Variants in KLF12 observed in about 807,000 individuals in gnomAD.
KLF12 encodes Krueppel-like factor 12.
In KLF12, 9 loss-of-function variants were observed where a neutral mutation model predicts 37.8. The observed-to-expected ratio is 0.24, with a 90% CI of 0.14 to 0.42. The LOEUF (loss-of-function observed/expected upper bound fraction) is 0.42, where lower values mean the gene tolerates loss of function less well. Ranked by LOEUF, KLF12 falls within the 10% of genes least tolerant of loss-of-function variation. The pLI is 1.00. For missense variants in KLF12, 411 were observed against 516.0 expected (o/e 0.80, Z 1.97); for synonymous variants, 208 against 202.1 (o/e 1.03, Z -0.25).
At chr13:73,739,120 A>C (rs1877750882) in intron 6 of KLF12, among the ~76,000 whole-genome samples, 1 of 151,908 alleles carries the variant, frequency 6.6e-6, no homozygotes, top group Non-Finnish European at 1.5e-5. Flanking sequence ...CTGTAATCCC[A>C]CTACTCGGGA....
intron 3 of KLF12, among the ~76,000 whole-genome samples, chr13:73,906,591 A>G (rs1333135644): frequency 6.6e-6 from 1 of 152,178 alleles, no homozygotes; most frequent in African/African-American, 2.4e-5. Flanking sequence ...ATTTCTTTAA[A>G]TAAGTACATA....
In KLF12 at chr13:73,846,049, C is replaced by A. The variant is rs1884996627; in HGVS notation, c.448G>T (p.Ala150Ser). ...TGGCCTCCAACACCAGATGCAGAGGCCACAAGGGGCCCTGGAGTTAATACT... is the reference window on the plus strand; with the variant it reads ...TGGCCTCCAACACCAGATGCAGAGGACACAAGGGGCCCTGGAGTTAATACT... Residue 150 changes from alanine (A) to serine (S), a missense_variant, in exon 4 of 8, where the codon GCC becomes TCC. Physicochemically the swap from Ala to Ser is moderately conservative, Grantham distance 99. This residue lies in a region of KLF12 where 351 missense variants were observed against 397.8 expected (regional missense o/e 0.88). Transcript: ENST00000377669. 1 of 1,613,856 alleles carries A rather than the reference C, an allele frequency of 6.2e-7. No homozygotes were observed. The highest frequency in any genetic ancestry group is 1.1e-5 in the South Asian group (1 of 91,074).
intron 4 of KLF12, among the ~76,000 whole-genome samples, chr13:73,814,428 T>A (rs961874241): frequency 3.9e-5 from 6 of 152,190 alleles, no homozygotes; most frequent in Admixed American, 3.3e-4. Context: ...AATGGCAACT[T>A]CGGATGATTG....
intron 3 of KLF12, among the ~76,000 whole-genome samples, chr13:73,854,011 C>T (rs1440489113): frequency 6.6e-6 from 1 of 152,116 alleles, no homozygotes; most frequent in Non-Finnish European, 1.5e-5. Flanking sequence ...GGATTAAGTC[C>T]TATTATCTTG....
intron 3 of KLF12, among the ~76,000 whole-genome samples, chr13:73,857,092 G>A (rs564310031): frequency 6.6e-6 from 1 of 152,254 alleles, no homozygotes; most frequent in East Asian, 1.9e-4. Flanking sequence ...ATTTAGTCAT[G>A]ATTCCCATGG....
chr13:74,089,054 T>C (rs1222526849), intron 1 of KLF12, among the ~76,000 whole-genome samples: 3 of 152,218 alleles, frequency 2.0e-5, no homozygotes, highest in African/African-American at 7.2e-5. Context: ...TTCTGATGCG[T>C]AATTATCAAA....
At chr13:74,196,863 T>A in the KLF12 span, among the ~76,000 whole-genome samples, 1 of 152,148 alleles carries the variant, frequency 6.6e-6, no homozygotes, top group Admixed American at 6.5e-5. Flanking sequence ...GTTTAGAATT[T>A]AAAAAAAATT....
intron 5 of KLF12, among the ~76,000 whole-genome samples, chr13:73,779,061 T>C (rs1880802039): frequency 6.6e-6 from 1 of 152,206 alleles, no homozygotes; most frequent in South Asian, 2.1e-4. Context: ...ATAATATACA[T>C]ATTAGTCTGC....
intron 7 of KLF12, among the ~76,000 whole-genome samples, chr13:73,703,446 C>T (rs188757541): frequency 7.6e-4 from 115 of 152,060 alleles, no homozygotes; most frequent in Non-Finnish European, 1.3e-3. Flanking sequence ...CCATTTGGTC[C>T]TGTCAATTCA....
the KLF12 span, among the ~76,000 whole-genome samples, chr13:74,211,614 T>G: frequency 6.6e-6 from 1 of 152,200 alleles, no homozygotes; most frequent in African/African-American, 2.4e-5. Context: ...TTTGACATTA[T>G]GTTATTCTTC....
the KLF12 span, among the ~76,000 whole-genome samples, chr13:74,246,294 T>G: frequency 6.6e-6 from 1 of 152,188 alleles, no homozygotes; most frequent in Non-Finnish European, 1.5e-5. Flanking sequence ...AATAGCACAT[T>G]CTTGTACTCA....
At chr13:74,238,240 A>G in the KLF12 span, among the ~76,000 whole-genome samples, 1 of 129,842 alleles carries the variant, frequency 7.7e-6, no homozygotes, top group Non-Finnish European at 1.5e-5. Flanking sequence ...GCTGGATTAC[A>G]TTTATTGATT....
chr13:73,925,800 T>G lies in KLF12; in HGVS notation c.123+18181A>C, dbSNP rs1889348828. 3.3e-5 allele frequency among the ~76,000 whole-genome samples: 5 copies of G among 152,290 alleles called. No individual in the cohort carries two copies. The South Asian group carries it at 1.0e-3, about 32-fold the overall frequency. On this transcript the variant is annotated intron_variant, in intron 3 of 7. Coordinates refer to ENST00000377669, the MANE Select transcript of KLF12 (RefSeq NM_007249.5). The stretch of plus-strand genomic sequence containing the variant: ...ATGGGAGGAGGTCAAAGTATCAACA[T>G]TAACACGAGTTTGGAATAAGTTGAT...
rs144882763 is a variant in KLF12, at chr13:73,808,500, C to T, written c.806+4652G>A. Among the ~76,000 whole-genome samples the T allele has an allele frequency of 2.2e-3, 336 of 152,162 alleles. 3 individuals are homozygous for T. Among genetic ancestry groups the T allele is most frequent in the Middle Eastern group, 0.01 (3 of 294 alleles). ...AGGTCGATTCAGATTGCTGTTGTAG[C>T]CACTAAGCAGCGGTCTTTTTAATTT... On this transcript the variant is annotated intron_variant, in intron 5 of 7. Coordinates refer to ENST00000377669, the MANE Select transcript of KLF12 (RefSeq NM_007249.5).
intron 5 of KLF12, among the ~76,000 whole-genome samples, chr13:73,811,328 A>G (rs1882931481): frequency 6.6e-6 from 1 of 152,110 alleles, no homozygotes; most frequent in South Asian, 2.1e-4. Flanking sequence ...TTTATAGGCT[A>G]GAAAAAGATG....
At chr13:73,766,078 A>C (rs1168034187) in intron 5 of KLF12, among the ~76,000 whole-genome samples, 1 of 152,168 alleles carries the variant, frequency 6.6e-6, no homozygotes, top group Non-Finnish European at 1.5e-5. Flanking sequence ...CGGAAGGCTT[A>C]TTTCTTCCAA....
Position 74,130,549 on chromosome 13 carries a change from T to C in KLF12, c.-32+3190A>G, listed in dbSNP as rs1455616852. 2.0e-5 allele frequency among the ~76,000 whole-genome samples: 3 copies of C among 151,460 alleles called. No homozygotes were observed. The East Asian group carries it at 5.8e-4, about 29-fold the overall frequency. ...GTGTGCACCTGTAGTCCTGCCTACT[T>C]GGGAGGCTAAGGTGGGAGGATCCCT... On this transcript the variant is annotated intron_variant, in intron 1 of 7. Coordinates refer to ENST00000377669, the MANE Select transcript of KLF12 (RefSeq NM_007249.5).
At chr13:73,958,330 G>A (rs887320832) in intron 2 of KLF12, among the ~76,000 whole-genome samples, 4 of 151,340 alleles carry the variant, frequency 2.6e-5, no homozygotes, top group Non-Finnish European at 2.9e-5. Flanking sequence ...TGCAGCCTCC[G>A]CCTCCTGGGT....
chr13:74,187,912 G>A, the KLF12 span, among the ~76,000 whole-genome samples: 1 of 152,118 alleles, frequency 6.6e-6, no homozygotes, highest in Non-Finnish European at 1.5e-5. Flanking sequence ...GGGCATAGCC[G>A]GAAGAAAATA....
Sources: gnomAD v4.1 joint callset for allele counts (sites outside exome capture counted in the v4.1 genomes callset) on GRCh38, gnomAD v4.1.1 for gene constraint, gnomAD v4.1.1 regional missense constraint, MANE v1.5 for transcripts, NCBI Gene and HGNC (gene_info 2026-07-23, HGNC 2026-07-21) for gene names.